The following RP1L1 variants were observed in gnomAD, a reference collection of about 807,000 sequenced individuals.
RP1L1 encodes the protein RP1 like 1.
RP1L1 carries 27 observed loss-of-function variants against 15.7 expected under a neutral mutation model. The observed-to-expected ratio is 1.72, with a 90% confidence interval of 1.27 to 2.38. The LOEUF (loss-of-function observed/expected upper bound fraction) is 2.38, where lower values mean the gene tolerates loss of function less well. Ranked by LOEUF, RP1L1 falls within the 30% of genes most tolerant of loss-of-function variation. The pLI, the probability that RP1L1 is intolerant of heterozygous loss-of-function variation, is 0.00. For missense variants in RP1L1, 4,798 were observed against 3,075.9 expected (o/e 1.56, Z -13.24); for synonymous variants, 1,813 against 1,276.7 (o/e 1.42, Z -8.96).
Position 10,609,465 on chromosome 8 carries a change from A to G in RP1L1, c.4633T>C (p.Trp1545Arg). ...ASAVAELRARWGLQDNDLLDQ... is the reference protein window; with the variant it reads ...ASAVAELRARRGLQDNDLLDQ... ...AGCAGATCATTGTCCTGCAGGCCCCAGCGTGCTCGGAGCTCAGCCACCGCA... is the reference window on the plus strand; with the variant it reads ...AGCAGATCATTGTCCTGCAGGCCCCGGCGTGCTCGGAGCTCAGCCACCGCA... The change falls in exon 4 of 4, where the codon TGG becomes CGG. Residue 1545 changes from tryptophan to arginine, a missense_variant. Trp to Arg is a moderately radical substitution (Grantham distance 101). Transcript: ENST00000382483. 6.2e-7 allele frequency: 1 copy of G among 1,612,266 alleles called. No individual in the cohort carries two copies. Among genetic ancestry groups the G allele is most frequent in the African/African-American group, 1.3e-5 (1 of 75,036 alleles).
rs776545253 is a variant in RP1L1 at position 10,613,165 on chromosome 8, C to T, written c.933G>A (p.Lys311=). 3.7e-6 allele frequency: 6 copies of T among 1,613,706 alleles called. No homozygotes were observed. The highest frequency in any genetic ancestry group is 2.2e-5 in the East Asian group (1 of 44,886). Residue 311 remains lysine, a synonymous_variant, in exon 4 of 4, where the codon AAG becomes AAA. Coordinates refer to ENST00000382483, the MANE Select transcript of RP1L1 (RefSeq NM_178857.6). ...TGCCGTCCTCATTCATGCGGACCTTCTTCTTCATGTCATCGCCAGCCACCA... is the reference window on the plus strand; with the variant it reads ...TGCCGTCCTCATTCATGCGGACCTTTTTCTTCATGTCATCGCCAGCCACCA... The part of the protein sequence containing the change: ...GPLVAGDDMK[K]KVRMNEDGSL...
intron 1 of RP1L1, among the ~76,000 whole-genome samples, chr8:10,629,960 G>A (rs1798215674): frequency 6.6e-6 from 1 of 152,164 alleles, no homozygotes. Flanking sequence ...CATCAAGGTG[G>A]CTCAGGGAGT....
In RP1L1 at chr8:10,610,464, C is replaced by T; in HGVS notation, c.3634G>A (p.Glu1212Lys). The change falls in exon 4 of 4, where the codon GAG (glutamate) becomes AAG (lysine). Residue 1212 changes from glutamate (E) to lysine (K), a missense_variant. Physicochemically the swap from Glu to Lys is moderately conservative, Grantham distance 56. Coordinates refer to ENST00000382483, the MANE Select transcript of RP1L1 (RefSeq NM_178857.6). The part of the protein sequence containing the change: ...DISSGSGGSG[E>K]SSVPCAMDGT... The stretch of plus-strand genomic sequence containing the variant: ...TCCATGGCACAGGGTACGCTACTCT[C>T]CCCTGAGCCTCCAGAGCCGCTGCTG... 1 of 1,613,792 alleles carries T rather than the reference C, an allele frequency of 6.2e-7. No individual in the cohort carries two copies.
In RP1L1 at chr8:10,607,856, T is replaced by C. The variant is rs766710633; in HGVS notation, c.6242A>G (p.Glu2081Gly). ...CTCCTGGGCATCTACATCTTCTGAC[T>C]CTGGGTGGGCCTCCCCTTCTGCCTC... ...VQEAEGEAHP[E>G]SEDVDAQEAE... Residue 2081 changes from glutamate (E) to glycine (G), a missense_variant, in exon 4 of 4, where the codon GAG (glutamate) becomes GGG (glycine). Physicochemically the swap from Glu to Gly is moderately conservative, Grantham distance 98 (BLOSUM62 -2). Transcript: ENST00000382483. 1.3e-6 allele frequency: 2 copies of C among 1,588,386 alleles called. No individual in the cohort carries two copies. Among genetic ancestry groups the C allele is most frequent in the Non-Finnish European group, 1.7e-6 (2 of 1,164,788 alleles).
At chr8:10,631,356 CACACAAACACACATGCACACAA>C (rs1563135365) in intron 1 of RP1L1, among the ~76,000 whole-genome samples, 5 of 61,118 alleles carry the variant, frequency 8.2e-5, no homozygotes, top group Non-Finnish European at 1.2e-4. Context: ...CACACACATG[CACACAAACACACATGCACACAA>C]ACACACATGC....
intron 3 of RP1L1, 146 bp downstream of exon 3, chr8:10,616,300 G>A (rs1204150317): frequency 6.9e-6 from 7 of 1,013,130 alleles, no homozygotes; most frequent in Non-Finnish European, 7.7e-6. Flanking sequence ...AGGAGGAAGA[G>A]GCAAGAGAGA....
rs1041957987 is a variant in RP1L1 at position 10,608,105 on chromosome 8, T to G, written c.5993A>C (p.Glu1998Ala). ...TTCAGCCTCTGGGGCCTCTACATCT[T>G]CTGACTCTGGCTGGGCCTCCCCTTC... The part of the protein sequence containing the change: ...EAEGEAQPES[E>A]DVEAPEAEGE... The change falls in exon 4 of 4, where the codon GAA becomes GCA. Residue 1998 changes from glutamate to alanine, a missense_variant. Transcript: ENST00000382483. 3 of 1,611,884 alleles carry G rather than the reference T, an allele frequency of 1.9e-6. No homozygotes were observed. In the African/African-American group the frequency reaches 4.1e-5, roughly 22 times the overall value.
In RP1L1 at chr8:10,608,899, C is replaced by A. The variant is rs758599234; in HGVS notation, c.5199G>T (p.Gly1733=). 1 of 1,614,012 alleles carries A rather than the reference C, an allele frequency of 6.2e-7. No homozygotes were observed. Among genetic ancestry groups the A allele is most frequent in the Non-Finnish European group, 8.5e-7 (1 of 1,180,040 alleles). The change falls in exon 4 of 4, where the codon GGG becomes GGT. Residue 1733 remains glycine (G), a synonymous_variant. Coordinates refer to ENST00000382483, the MANE Select transcript of RP1L1 (RefSeq NM_178857.6). ...VQGAEGGLGP[G]LSQGPGVDEG... ...CGTCCACTCCAGGCCCCTGGCTCAG[C>A]CCCGGCCCCAGCCCTCCCTCAGCTC...
rs533607765 is a variant in RP1L1, at chr8:10,612,318, G to C, written c.1780C>G (p.Gln594Glu). The C allele has an allele frequency of 1.2e-6, 2 of 1,613,202 alleles. No individual in the cohort carries two copies. The highest frequency in any genetic ancestry group is 1.7e-6 in the Non-Finnish European group (2 of 1,180,018). The change falls in exon 4 of 4, where the codon CAA becomes GAA. Residue 594 changes from glutamine to glutamate, a missense_variant. Coordinates refer to ENST00000382483, the MANE Select transcript of RP1L1 (RefSeq NM_178857.6). ...GTGGCCTGCTCGGTGCCCTGTCCTTGCGTCTCTGCCTGCAGGTCGTCACTC... is the reference window on the plus strand; with the variant it reads ...GTGGCCTGCTCGGTGCCCTGTCCTTCCGTCTCTGCCTGCAGGTCGTCACTC... ...LRSDDLQAET[Q>E]GQGTEQATGA... is the part of the protein sequence containing the mutation.
rs758032963 is a variant in RP1L1 at position 10,613,336 on chromosome 8, C to T, written c.762G>A (p.Gly254=). 3 of 1,599,908 alleles carry T rather than the reference C, an allele frequency of 1.9e-6. No individual in the cohort carries two copies. The African/African-American group carries it at 4.0e-5, about 21-fold the overall frequency. ...GGATCACACTCGGCTTGGTCTTTGG[C>T]CCCCAGCTCCCTGGCACGCAGTGAA... ...LTSRNKNGSW[G]PKTKPSVIHS... Residue 254 remains glycine (G), a synonymous_variant, in exon 4 of 4, where the codon GGG becomes GGA. Coordinates refer to ENST00000382483, the MANE Select transcript of RP1L1 (RefSeq NM_178857.6).
chr8:10,620,077 G>A (rs1798034541), intron 2 of RP1L1, among the ~76,000 whole-genome samples: 1 of 152,060 alleles, frequency 6.6e-6, no homozygotes, highest in African/African-American at 2.4e-5. Flanking sequence ...CTGTTTCTCT[G>A]GCGACTAAGA....
At chr8:10,627,530 G>A (rs1215852627) in intron 1 of RP1L1, among the ~76,000 whole-genome samples, 2 of 152,086 alleles carry the variant, frequency 1.3e-5, no homozygotes, top group Non-Finnish European at 2.9e-5. Context: ...TTTCACCCTG[G>A]GGAGTTCTGG....
rs778851082 is a variant in RP1L1 at position 10,606,939 on chromosome 8, C to T, written c.7159G>A (p.Val2387Met). 1.9e-6 allele frequency: 3 copies of T among 1,614,270 alleles called. No homozygotes were observed. The highest frequency in any genetic ancestry group is 2.5e-6 in the Non-Finnish European group (3 of 1,180,054). Residue 2387 changes from valine (V) to methionine (M), a missense_variant, in exon 4 of 4, where the codon GTG (valine) becomes ATG (methionine). Coordinates refer to ENST00000382483, the MANE Select transcript of RP1L1 (RefSeq NM_178857.6). Reference sequence around the variant, plus strand: ...TGGCCAAAGCCGTCTGCCCTGCCCACTGCCTCAGTGGGGGCGAGACTTCCG... The same window carrying T: ...TGGCCAAAGCCGTCTGCCCTGCCCATTGCCTCAGTGGGGGCGAGACTTCCG... ...ALGSLAPTEA[V>M]GRADGFGQDD...
intron 1 of RP1L1, among the ~76,000 whole-genome samples, chr8:10,653,706 C>T (rs1012663044): frequency 6.6e-6 from 1 of 152,152 alleles, no homozygotes; most frequent in African/African-American, 2.4e-5. Context: ...CGGCAACCAG[C>T]TCTCCTCGTC....
intron 1 of RP1L1, among the ~76,000 whole-genome samples, chr8:10,629,626 G>C (rs1279731871): frequency 6.6e-6 from 1 of 152,124 alleles, no homozygotes; most frequent in Non-Finnish European, 1.5e-5. Context: ...GTCAGCAACA[G>C]AGACCCTCCC....
At chr8:10,628,743 T>C (rs1244172095) in intron 1 of RP1L1, among the ~76,000 whole-genome samples, 1 of 152,200 alleles carries the variant, frequency 6.6e-6, no homozygotes, top group Non-Finnish European at 1.5e-5. Flanking sequence ...GAGGGACACA[T>C]CCATGACAAC....
At chr8:10,619,016 A>T (rs1798017034) in intron 2 of RP1L1, among the ~76,000 whole-genome samples, 1 of 152,108 alleles carries the variant, frequency 6.6e-6, no homozygotes, top group Non-Finnish European at 1.5e-5. Flanking sequence ...GACTACAGGC[A>T]CGCACCACCA....
chr8:10,645,201 C>A (rs1003800051), intron 1 of RP1L1, among the ~76,000 whole-genome samples: 1 of 152,134 alleles, frequency 6.6e-6, no homozygotes, highest in African/African-American at 2.4e-5. Flanking sequence ...GTGGTGCACA[C>A]CTGTAGTCCC....
At chr8:10,648,889 G>T (rs1798519087) in intron 1 of RP1L1, among the ~76,000 whole-genome samples, 1 of 152,216 alleles carries the variant, frequency 6.6e-6, no homozygotes, top group Admixed American at 6.5e-5. Context: ...AGCCCTGATG[G>T]TCTCATCCTC....
Sources: gnomAD v4.1 joint callset for allele counts (sites outside exome capture counted in the v4.1 genomes callset) on GRCh38, gnomAD v4.1.1 for gene constraint, MANE v1.5 for transcripts, NCBI Gene and HGNC (gene_info 2026-07-23, HGNC 2026-07-21) for gene names.